The following CTNNA3 variants were observed in gnomAD, a reference collection of about 807,000 sequenced individuals.
CTNNA3 encodes the protein catenin alpha 3.
In CTNNA3, 76 loss-of-function variants were observed where a neutral mutation model predicts 95.7. The observed-to-expected ratio is 0.79, with a 90% CI of 0.66 to 0.96. The LOEUF (loss-of-function observed/expected upper bound fraction) is 0.96. CTNNA3 is among the 40% of genes least tolerant of loss of function. The probability of loss-of-function intolerance (pLI) is 0.00; values close to 1 mark genes in which losing one functional copy is unlikely to be tolerated. For missense variants in CTNNA3, 1,191 were observed against 1,089.8 expected (o/e 1.09, Z -1.31); for synonymous variants, 431 against 374.4 (o/e 1.15, Z -1.74).
intron 3 of CTNNA3, among the ~76,000 whole-genome samples, chr10:67,562,702 C>G (rs149957177): frequency 1.3e-5 from 2 of 152,128 alleles, no homozygotes; most frequent in Non-Finnish European, 2.9e-5. Context: ...TCAAACTGTC[C>G]CTATTTGCAG....
chr10:66,382,751 G>A (rs926437732), intron 11 of CTNNA3, among the ~76,000 whole-genome samples: 2 of 152,086 alleles, frequency 1.3e-5, no homozygotes, highest in South Asian at 4.1e-4. Flanking sequence ...GGATCAGGCA[G>A]CAATATTTGC....
intron 10 of CTNNA3, among the ~76,000 whole-genome samples, chr10:66,617,044 T>C (rs961044438): frequency 6.6e-6 from 1 of 151,962 alleles, no homozygotes; most frequent in South Asian, 2.1e-4. Context: ...GAACATCCAA[T>C]ATATATTTTA....
intron 5 of CTNNA3, among the ~76,000 whole-genome samples, chr10:67,244,873 G>A (rs1476662484): frequency 3.9e-5 from 6 of 151,990 alleles, no homozygotes; most frequent in Admixed American, 1.3e-4. Context: ...CTATTCTTAC[G>A]GTATTTAACA....
intron 12 of CTNNA3, among the ~76,000 whole-genome samples, chr10:66,351,345 A>C (rs915953136): frequency 3.3e-5 from 5 of 152,058 alleles, no homozygotes; most frequent in Non-Finnish European, 5.9e-5. Flanking sequence ...TCAGATAAGA[A>C]GACTTGGGCT....
chr10:66,080,400 A>G (rs965233856), intron 14 of CTNNA3, among the ~76,000 whole-genome samples: 1 of 152,154 alleles, frequency 6.6e-6, no homozygotes, highest in Non-Finnish European at 1.5e-5. Flanking sequence ...AAATTCTTCA[A>G]AATCACTTAT....
At chr10:66,067,216 T>A (rs762380831) in intron 15 of CTNNA3, among the ~76,000 whole-genome samples, 3 of 152,188 alleles carry the variant, frequency 2.0e-5, no homozygotes, top group African/African-American at 7.2e-5. Context: ...ACGATCTCCA[T>A]CTCTCTGTGT....
At chr10:66,688,901 G>C (rs1011365049) in intron 9 of CTNNA3, among the ~76,000 whole-genome samples, 21 of 151,296 alleles carry the variant, frequency 1.4e-4, no homozygotes, top group African/African-American at 5.1e-4. Flanking sequence ...GTGAACCTGG[G>C]AGGTGGAGCT....
intron 15 of CTNNA3, among the ~76,000 whole-genome samples, chr10:66,031,653 C>T (rs1277515351): frequency 2.0e-5 from 3 of 152,172 alleles, no homozygotes; most frequent in Non-Finnish European, 4.4e-5. Context: ...ATACTCTGAA[C>T]TTCAGCATCA....
At chr10:66,292,537 T>A (rs773379527) in intron 12 of CTNNA3, among the ~76,000 whole-genome samples, 12 of 152,148 alleles carry the variant, frequency 7.9e-5, no homozygotes, top group Non-Finnish European at 1.8e-4. Context: ...CTGTTCCTAT[T>A]CACTAAAGTT....
chr10:66,857,979 T>C (rs1368701937), intron 7 of CTNNA3, among the ~76,000 whole-genome samples: 3 of 152,092 alleles, frequency 2.0e-5, no homozygotes, highest in African/African-American at 7.2e-5. Flanking sequence ...CCTTGTCTTG[T>C]TCTAGTTTTC....
chr10:66,440,311 T>A (rs895397769), intron 11 of CTNNA3, among the ~76,000 whole-genome samples: 3 of 152,148 alleles, frequency 2.0e-5, no homozygotes, highest in Non-Finnish European at 4.4e-5. Flanking sequence ...CATTTCTTAA[T>A]ATATTCATTT....
chr10:65,988,632 T>A, intron 16 of CTNNA3, 60 bp downstream of exon 16: 1 of 1,371,186 alleles, frequency 7.3e-7, no homozygotes, highest in Admixed American at 1.8e-5. Context: ...TAAATCAATG[T>A]TCTAATGGCA....
At chr10:66,160,688 G>T (rs1435667654) in intron 13 of CTNNA3, among the ~76,000 whole-genome samples, 1 of 152,032 alleles carries the variant, frequency 6.6e-6, no homozygotes, top group Non-Finnish European at 1.5e-5. Context: ...ATATATATCT[G>T]TTAAGTCATT....
intron 13 of CTNNA3, among the ~76,000 whole-genome samples, chr10:66,240,478 G>C (rs188733603): frequency 2.0e-5 from 3 of 152,118 alleles, no homozygotes; most frequent in African/African-American, 7.2e-5. Context: ...ACAGATCCCT[G>C]TAAGAAACAA....
chr10:66,971,238 C>A (rs750408125), intron 7 of CTNNA3, among the ~76,000 whole-genome samples: 4 of 151,960 alleles, frequency 2.6e-5, no homozygotes, highest in Non-Finnish European at 5.9e-5. Flanking sequence ...CCAGCCTGAC[C>A]AACATAGTGA....
intron 7 of CTNNA3, among the ~76,000 whole-genome samples, chr10:66,886,395 T>G (rs1219948006): frequency 6.6e-6 from 1 of 152,128 alleles, no homozygotes; most frequent in East Asian, 1.9e-4. Context: ...GTATCTTCAC[T>G]CTGTCTCCAA....
intron 15 of CTNNA3, among the ~76,000 whole-genome samples, chr10:66,000,590 C>CT (rs919147140): frequency 2.0e-5 from 3 of 151,920 alleles, no homozygotes; most frequent in Non-Finnish European, 4.4e-5. Flanking sequence ...CTCCTTAATC[C>CT]TTTTTTTCTT....
At chr10:66,732,947 C>T (rs1042942810) in intron 9 of CTNNA3, among the ~76,000 whole-genome samples, 1 of 152,030 alleles carries the variant, frequency 6.6e-6, no homozygotes, top group African/African-American at 2.4e-5. Flanking sequence ...AGGCACCAGC[C>T]ACCGCGCCCA....
At chr10:67,310,058 C>T (rs1265404729) in intron 5 of CTNNA3, among the ~76,000 whole-genome samples, 2 of 152,052 alleles carry the variant, frequency 1.3e-5, no homozygotes, top group African/African-American at 2.4e-5. Context: ...AAATAAATAA[C>T]CAAGAATGTT....
Sources: allele counts gnomAD v4.1 joint callset (sites outside exome capture counted in the v4.1 genomes callset), GRCh38; gene constraint gnomAD v4.1.1; transcripts MANE v1.5; gene names NCBI Gene and HGNC (gene_info 2026-07-23, HGNC 2026-07-21).